MEGF10: variants seen among roughly 807,000 people sequenced by gnomAD.
MEGF10 encodes the protein multiple epidermal growth factor-like domains protein 10.
MEGF10 carries 86 observed loss-of-function variants against 147.5 expected under a neutral mutation model. That is an observed-to-expected ratio of 0.58 (90% CI 0.49 to 0.70). The LOEUF is 0.70. Ranked by LOEUF, MEGF10 falls within the 30% of genes least tolerant of loss-of-function variation. MEGF10 has a pLI of 0.00. For missense variants in MEGF10, 1,329 were observed against 1,487.3 expected (o/e 0.89, Z 1.75); for synonymous variants, 478 against 525.5 (o/e 0.91, Z 1.24).
chr5:127,352,273 T>TA (rs1415245564), intron 4 of MEGF10, among the ~76,000 whole-genome samples: 3 of 152,204 alleles, frequency 2.0e-5, no homozygotes, highest in Admixed American at 2.0e-4. Context: ...TCTGCTGACC[T>TA]AGGTATTATT....
intron 1 of MEGF10, among the ~76,000 whole-genome samples, chr5:127,308,607 G>A (rs554394246): frequency 4.0e-4 from 60 of 151,886 alleles, no homozygotes; most frequent in African/African-American, 1.4e-3. Context: ...GCAAACTATC[G>A]CAAGGACGAA....
At chr5:127,248,322 G>T in the MEGF10 span, among the ~76,000 whole-genome samples, 2 of 152,006 alleles carry the variant, frequency 1.3e-5, no homozygotes, top group African/African-American at 4.8e-5. Context: ...AACATTTTAT[G>T]TGCAATAGAA....
At chr5:127,233,407 C>T in the MEGF10 span, among the ~76,000 whole-genome samples, 3 of 152,312 alleles carry the variant, frequency 2.0e-5, no homozygotes, top group East Asian at 1.9e-4. Flanking sequence ...GGAACCCAAG[C>T]TCTTGAAGAC....
chr5:127,459,711 A>G lies in MEGF10; in HGVS notation c.*2393A>G, dbSNP rs1023802795. The G allele has an allele frequency of 1.3e-5, 2 of 152,210 alleles. No homozygotes were observed. Among genetic ancestry groups the G allele is most frequent in the Non-Finnish European group, 2.9e-5 (2 of 68,034 alleles). The allele number at this position is 152,210 out of a possible 1,614,324, so 9.4% of individuals were successfully genotyped here. A position where few individuals can be genotyped will look rare whatever the true frequency, so the allele number is the denominator to read the frequency against. On this transcript the variant is annotated 3_prime_UTR_variant, in exon 25 of 25. Transcript: ENST00000503335. ...CCCTTCCTGTGTGCTCTTTTTGACA[A>G]GTAAATCACTCCAGTTAGCTGATGT... is the stretch of plus-strand genomic sequence containing the variant.
chr5:127,266,360 C>T, the MEGF10 span, among the ~76,000 whole-genome samples: 5,083 of 152,098 alleles, frequency 0.033, 220 homozygotes, highest in African/African-American at 0.11. Flanking sequence ...AGCATGATGC[C>T]TCCAGCTTTG....
rs141746321 is a variant in MEGF10 at position 127,411,550 on chromosome 5, CTG to C, written c.1130+968_1130+969del. 4.8e-3 allele frequency among the ~76,000 whole-genome samples: 719 copies of C among 149,134 alleles called. 3 individuals are homozygous for C. Among genetic ancestry groups the C allele is most frequent in the Non-Finnish European group, 7.7e-3 (514 of 66,974 alleles). On this transcript the variant is annotated intron_variant, in intron 9 of 24. Coordinates refer to ENST00000503335, the MANE Select transcript of MEGF10 (RefSeq NM_001256545.2). The stretch of plus-strand genomic sequence containing the variant: ...GTAACAAAAATATAGAGTTTGCACT[CTG>C]TGTGTGTGTGTGTGTGTGCGCGCAT...
intron 9 of MEGF10, among the ~76,000 whole-genome samples, chr5:127,414,915 G>A (rs561295433): frequency 6.6e-6 from 1 of 152,250 alleles, no homozygotes; most frequent in South Asian, 2.1e-4. Flanking sequence ...GAGTGTAAGT[G>A]GAGAGACCTA....
chr5:127,370,114 G>A (rs1031635069), intron 5 of MEGF10, 112 bp downstream of exon 5: 1 of 683,878 alleles, frequency 1.5e-6, no homozygotes, highest in Non-Finnish European at 2.5e-6. Flanking sequence ...ACAGAGCATA[G>A]TGTAAATGCC....
intron 5 of MEGF10, among the ~76,000 whole-genome samples, chr5:127,396,174 G>A (rs1490354291): frequency 2.0e-5 from 3 of 152,164 alleles, no homozygotes; most frequent in African/African-American, 7.2e-5. Context: ...ATTCCCGTCT[G>A]CCTAGCCAGG....
chr5:127,448,088 C>G (rs1008232843), intron 21 of MEGF10, among the ~76,000 whole-genome samples: 1 of 152,190 alleles, frequency 6.6e-6, no homozygotes. Flanking sequence ...TGGGCAAAAT[C>G]TCCAAGTGTG....
chr5:127,346,293 A>G (rs1761885305), intron 4 of MEGF10, among the ~76,000 whole-genome samples: 1 of 152,200 alleles, frequency 6.6e-6, no homozygotes, highest in African/African-American at 2.4e-5. Context: ...ACCGTTTTCC[A>G]TAGTGGTTGT....
chr5:127,263,998 T>C, the MEGF10 span, among the ~76,000 whole-genome samples: 1 of 152,164 alleles, frequency 6.6e-6, no homozygotes, highest in African/African-American at 2.4e-5. Flanking sequence ...TTGGGTCTGA[T>C]GACCCAAAGA....
chr5:127,323,613 A>G (rs749963195), intron 1 of MEGF10, among the ~76,000 whole-genome samples: 17 of 152,216 alleles, frequency 1.1e-4, no homozygotes, highest in Non-Finnish European at 2.1e-4. Flanking sequence ...TTTTGGTATG[A>G]CATACTTAAA....
At chr5:127,262,218 A>G in the MEGF10 span, among the ~76,000 whole-genome samples, 1 of 152,122 alleles carries the variant, frequency 6.6e-6, no homozygotes, top group Non-Finnish European at 1.5e-5. Flanking sequence ...TCTCTATGTT[A>G]TCTTCTAAGA....
At chr5:127,402,451 C>T (rs1457403581) in intron 7 of MEGF10, 95 bp from the exon 8 acceptor site, 1 of 1,363,698 alleles carries the variant, frequency 7.3e-7, no homozygotes, top group Non-Finnish European at 1.0e-6. Context: ...TGTTCCCCAT[C>T]CCTCCTTTCT....
At chr5:127,256,980 G>T in the MEGF10 span, among the ~76,000 whole-genome samples, 1 of 152,154 alleles carries the variant, frequency 6.6e-6, no homozygotes, top group Non-Finnish European at 1.5e-5. Flanking sequence ...GGGAGATGGG[G>T]AGTAGGGTAT....
chr5:127,308,476 C>T (rs1038798831), intron 1 of MEGF10, among the ~76,000 whole-genome samples: 1 of 152,130 alleles, frequency 6.6e-6, no homozygotes, highest in South Asian at 2.1e-4. Context: ...TTTTGGTTTC[C>T]GTGTACTTAA....
chr5:127,270,970 C>T, the MEGF10 span, among the ~76,000 whole-genome samples: 3 of 152,192 alleles, frequency 2.0e-5, no homozygotes, highest in Non-Finnish European at 4.4e-5. Context: ...TCCCGTCTAT[C>T]ATTGATGGTT....
chr5:127,458,774 T>C lies in MEGF10; in HGVS notation c.*1456T>C, dbSNP rs1766459133. The C allele has an allele frequency of 1.3e-5, 2 of 152,144 alleles. No homozygotes were observed. The highest frequency in any genetic ancestry group is 2.9e-5 in the Non-Finnish European group (2 of 68,038). The allele number at this position is 152,144 out of a possible 1,614,324, so 9.4% of individuals were successfully genotyped here. A position where few individuals can be genotyped will look rare whatever the true frequency, so the allele number is the denominator to read the frequency against. ...GGAGAAGGGGAGCAGAAAGGAAACG[T>C]TGTTACTGATGAGTACCACAGACTC... On this transcript the variant is annotated 3_prime_UTR_variant, in exon 25 of 25. Coordinates refer to ENST00000503335, the MANE Select transcript of MEGF10 (RefSeq NM_001256545.2).
Sources: gnomAD v4.1 joint callset for allele counts (sites outside exome capture counted in the v4.1 genomes callset) on GRCh38, gnomAD v4.1.1 for gene constraint, MANE v1.5 for transcripts, NCBI Gene and HGNC (gene_info 2026-07-23, HGNC 2026-07-21) for gene names.